KLRC1: variants seen among roughly 807,000 people sequenced by gnomAD.
The protein encoded by KLRC1 is NKG2-A/NKG2-B type II integral membrane protein.
KLRC1 carries 22 observed loss-of-function variants against 25.9 expected under a neutral mutation model. The ratio of observed to expected loss-of-function variants is 0.85; its 90% confidence interval spans 0.61 to 1.21. The LOEUF is 1.21. KLRC1 is among the 50% of genes most tolerant of loss of function. The pLI, the probability that KLRC1 is intolerant of heterozygous loss-of-function variation, is 0.00. For synonymous variants in KLRC1, 77 were observed against 93.1 expected (o/e 0.83, Z 0.99); for missense variants, 240 against 272.2 (o/e 0.88, Z 0.83).
chr12:10,445,358 AAATT>A (rs571890730), downstream of KLRC1, among the ~76,000 whole-genome samples: 1 of 147,158 alleles, frequency 6.8e-6, no homozygotes, highest in African/African-American at 2.7e-5. Flanking sequence ...CAACTGCTAC[AAATT>A]AATAAAAATG....
chr12:10,450,577 A>T lies in KLRC1; in HGVS notation c.190T>A (p.Leu64Ile), dbSNP rs1178377648. 2 of 1,595,264 alleles carry T rather than the reference A, an allele frequency of 1.3e-6. No homozygotes were observed. Among genetic ancestry groups the T allele is most frequent in the African/African-American group, 2.7e-5 (2 of 74,522 alleles). ...ATGAGCTTCTCTGGAGCTGATGGTA[A>T]ATCTGCAGGGAGAGAAATGGGAACA... ...GNDKTYHCKD[L>I]PSAPEKLIVG... is the part of the protein sequence containing the mutation. Residue 64 changes from leucine to isoleucine, a missense_variant and splice_region_variant, in exon 3 of 7, where the codon TTA becomes ATA. Transcript: ENST00000359151.
intron 4 of KLRC1, 125 bp from the exon 5 acceptor site, chr12:10,449,513 T>C: frequency 3.4e-6 from 5 of 1,476,282 alleles, no homozygotes; most frequent in Non-Finnish European, 4.5e-6. Flanking sequence ...CATGGGCTGG[T>C]AAATATATAG....
chr12:10,446,971 T>C lies in KLRC1; in HGVS notation c.591-309A>G, dbSNP rs959905915. Among the ~76,000 whole-genome samples, 4 of 152,282 alleles carry C rather than the reference T, an allele frequency of 2.6e-5. No homozygotes were observed. In the South Asian group the frequency reaches 6.2e-4, roughly 24 times the overall value. On this transcript the variant is annotated intron_variant, in intron 6 of 6. Coordinates refer to ENST00000359151, the MANE Select transcript of KLRC1 (RefSeq NM_002259.5). ...TTTATAAATTAGGCACAATAAGAGA[T>C]TGACAACAATAACTACTAATAACAA...
downstream of KLRC1, among the ~76,000 whole-genome samples, chr12:10,443,338 A>T: frequency 7.1e-6 from 1 of 140,448 alleles, no homozygotes; most frequent in East Asian, 2.1e-4. Context: ...ATGAGGATAA[A>T]ATATTTAACA....
Position 10,451,202 on chromosome 12 carries a change from G to A in KLRC1, c.-31-15C>T. Reference sequence around the variant, plus strand: ...GGGACTGTACTCTATAATAACAGTAGTTAAGAAGTTAATAAATGGTTTATA... The same window carrying A: ...GGGACTGTACTCTATAATAACAGTAATTAAGAAGTTAATAAATGGTTTATA... On this transcript the variant is annotated splice_polypyrimidine_tract_variant and intron_variant, in intron 1 of 6. Transcript: ENST00000359151. 6.8e-7 allele frequency: 1 copy of A among 1,464,206 alleles called. No individual in the cohort carries two copies. The highest frequency in any genetic ancestry group is 1.5e-5 in the South Asian group (1 of 66,380). The allele number at this position is 1,464,206 out of a possible 1,614,324, so 90.7% of individuals were successfully genotyped here. A position where few individuals can be genotyped will look rare whatever the true frequency, so the allele number is the denominator to read the frequency against.
In KLRC1 at chr12:10,446,469, A is replaced by C. The variant is rs1055214735; in HGVS notation, c.*82T>G. 78 of 1,473,808 alleles carry C rather than the reference A, an allele frequency of 5.3e-5. 1 individual carries two copies. The South Asian group carries it at 5.3e-4, about 10-fold the overall frequency. The allele number at this position is 1,473,808 out of a possible 1,614,324, so 91.3% of individuals were successfully genotyped here. On this transcript the variant is annotated 3_prime_UTR_variant, in exon 7 of 7. Transcript: ENST00000359151. Reference sequence around the variant, plus strand: ...TAGAGCAAATAACATAATTCATTTTAAGATTTATGCAATCATAATATATTT... The same window carrying C: ...TAGAGCAAATAACATAATTCATTTTCAGATTTATGCAATCATAATATATTT...
At position 10,446,620 on chromosome 12, in the gene KLRC1, T is replaced by C. The variant is rs568051460; in HGVS notation, c.633A>G (p.Leu211=). 79 of 1,613,992 alleles carry C rather than the reference T, an allele frequency of 4.9e-5. 2 individuals carry two copies. The South Asian group carries it at 8.5e-4, about 17-fold the overall frequency. The change falls in exon 7 of 7, where the codon CTA becomes CTG. Residue 211 remains leucine, a synonymous_variant. Coordinates refer to ENST00000359151, the MANE Select transcript of KLRC1 (RefSeq NM_002259.5). ...SDNAELNCAV[L]QVNRLKSAQC... ...GGGCTGATTTAAGTCGATTTACTTG[T>C]AGCACTGCACAGTTAAGTTCAGCAT...
chr12:10,453,789 T>G (rs1864166549), upstream of KLRC1, among the ~76,000 whole-genome samples: 1 of 151,808 alleles, frequency 6.6e-6, no homozygotes, highest in Non-Finnish European at 1.5e-5. Flanking sequence ...ACTGCAGTAA[T>G]TACTCAATTG....
In KLRC1 at chr12:10,447,507, T is replaced by C. The variant is rs199498458; in HGVS notation, c.590+25A>G. 718 of 1,514,788 alleles carry C rather than the reference T, an allele frequency of 4.7e-4. 1 individual carries two copies. Among genetic ancestry groups the C allele is most frequent in the Non-Finnish European group, 5.0e-4 (550 of 1,095,526 alleles). 93.8% of individuals were successfully genotyped at this position (1,514,788 alleles called of 1,614,324 possible). A position where few individuals can be genotyped will look rare whatever the true frequency, so the allele number is the denominator to read the frequency against. On this transcript the variant is annotated intron_variant, in intron 6 of 6. Transcript: ENST00000359151. ...TTTATCCTTTATATATATATTGTTA[T>C]ATAGCGCCATACAAAACAACTTACT...
At chr12:10,452,961 C>T (rs981186036) in intron 1 of KLRC1, among the ~76,000 whole-genome samples, 3 of 152,176 alleles carry the variant, frequency 2.0e-5, no homozygotes, top group Admixed American at 6.5e-5. Flanking sequence ...TTCCCTTAAA[C>T]GATATTGATC....
At chr12:10,454,550 T>C (rs769799595), upstream of KLRC1, 44 of 962,108 alleles carry the variant, frequency 4.6e-5, no homozygotes, top group African/African-American at 5.3e-5. Context: ...CAGCCACAAC[T>C]TGAGATCAGT....
At chr12:10,449,804 C>A in intron 4 of KLRC1, 110 bp downstream of exon 4, 2 of 847,042 alleles carry the variant, frequency 2.4e-6, no homozygotes, top group Non-Finnish European at 1.7e-6. Context: ...TATTTATGAA[C>A]ACTTATTGCC....
intron 3 of KLRC1, chr12:10,450,200 C>T: frequency 2.3e-6 from 1 of 430,580 alleles, no homozygotes. Context: ...GATTTAACTA[C>T]TTTCAAAAAT....
At chr12:10,445,852 T>C (rs1863973992), downstream of KLRC1, among the ~76,000 whole-genome samples, 1 of 152,056 alleles carries the variant, frequency 6.6e-6, no homozygotes, top group Admixed American at 6.6e-5. Context: ...AATACCTACA[T>C]TTCTGTATGA....
In KLRC1 at chr12:10,447,720, A is replaced by G. The variant is rs1380047312; in HGVS notation, c.490-88T>C. 1.1e-5 allele frequency: 12 copies of G among 1,078,212 alleles called. No individual in the cohort carries two copies. The South Asian group carries it at 1.9e-4, about 17-fold the overall frequency. 66.8% of individuals were successfully genotyped at this position (1,078,212 alleles called of 1,614,324 possible). A position where few individuals can be genotyped will look rare whatever the true frequency, so the allele number is the denominator to read the frequency against. ...ATTAAATTTGAAAACCACTATTTGC[A>G]GTGCCAAAAACTTTCATAAATGTTT... is the stretch of plus-strand genomic sequence containing the variant. On this transcript the variant is annotated intron_variant, in intron 5 of 6. Transcript: ENST00000359151.
chr12:10,444,176 T>C (rs1293774945), downstream of KLRC1, among the ~76,000 whole-genome samples: 1 of 140,574 alleles, frequency 7.1e-6, no homozygotes, highest in Non-Finnish European at 1.5e-5. Flanking sequence ...TAAATAACCA[T>C]TGAATGCACT....
At chr12:10,449,836 A>C (rs1295853260) in intron 4 of KLRC1, 78 bp downstream of exon 4, 2 of 1,214,688 alleles carry the variant, frequency 1.6e-6, no homozygotes, top group Non-Finnish European at 2.2e-6. Context: ...TTTTTCACCC[A>C]AAATTTTATT....
At chr12:10,451,459 C>T (rs189824018) in intron 1 of KLRC1, among the ~76,000 whole-genome samples, 2 of 152,162 alleles carry the variant, frequency 1.3e-5, no homozygotes, top group East Asian at 1.9e-4. Context: ...AGATCGAGAC[C>T]ATCCTGGCTA....
chr12:10,450,475 T>C lies in KLRC1; in HGVS notation c.283+9A>G, dbSNP rs1005057964. On this transcript the variant is annotated intron_variant, in intron 3 of 6. Coordinates refer to ENST00000359151, the MANE Select transcript of KLRC1 (RefSeq NM_002259.5). ...AAATTCCCCTTGTAATCTTCGAAAA[T>C]AGACTTACAGGGAATAACAACTATC... The C allele has an allele frequency of 6.7e-7, 1 of 1,500,246 alleles. No homozygotes were observed. The highest frequency in any genetic ancestry group is 9.2e-7 in the Non-Finnish European group (1 of 1,082,164). 92.9% of individuals were successfully genotyped at this position (1,500,246 alleles called of 1,614,324 possible).
Sources: allele counts gnomAD v4.1 joint callset (sites outside exome capture counted in the v4.1 genomes callset), GRCh38; gene constraint gnomAD v4.1.1; transcripts MANE v1.5; gene names NCBI Gene and HGNC (gene_info 2026-07-23, HGNC 2026-07-21).